Variants in CLIP2 observed in about 807,000 individuals in gnomAD.
The protein encoded by CLIP2 is CAP-Gly domain-containing linker protein 2.
CLIP2 carries 41 observed loss-of-function variants against 111.7 expected under a neutral mutation model. The observed-to-expected ratio is 0.37, with a 90% CI of 0.29 to 0.48. CLIP2 has a LOEUF of 0.48. Ranked by LOEUF, CLIP2 falls within the 20% of genes least tolerant of loss-of-function variation. CLIP2 has a pLI of 0.99. For synonymous variants in CLIP2, 660 were observed against 644.2 expected, an observed-to-expected ratio of 1.02 and a Z score of -0.37; for missense variants, 1,160 against 1,422.1, an observed-to-expected ratio of 0.82 and a Z score of 2.96.
At chr7:74,317,752 C>T (rs1234131252) in intron 2 of CLIP2, 85 bp downstream of exon 2, 2 of 1,324,386 alleles carry the variant, frequency 1.5e-6, no homozygotes, top group Non-Finnish European at 1.9e-6. Flanking sequence ...GAGCACAGGC[C>T]ACTCTGTGAC....
intron 1 of CLIP2, among the ~76,000 whole-genome samples, chr7:74,315,560 T>G (rs1554729029): frequency 6.6e-6 from 1 of 151,790 alleles, no homozygotes; most frequent in East Asian, 1.9e-4. Context: ...TTTTTCTTTT[T>G]TTCTTTTCTT....
Position 74,376,872 on chromosome 7 carries a change from C to G in CLIP2, c.2421+50C>G, listed in dbSNP as rs782528725. On this transcript the variant is annotated intron_variant, in intron 10 of 16. Transcript: ENST00000223398. The surrounding 1 kb of genome is among the most constrained non-coding windows in gnomAD (Gnocchi z 7.1). Reference sequence around the variant, plus strand: ...GGCGGGAGGGTCGGGCTGGGGAGGGCTTGGCCTTTTGCTGACCTCTGTTCT... The same window carrying G: ...GGCGGGAGGGTCGGGCTGGGGAGGGGTTGGCCTTTTGCTGACCTCTGTTCT... 1.2e-4 allele frequency: 176 copies of G among 1,463,968 alleles called. No individual in the cohort carries two copies. The highest frequency in any genetic ancestry group is 1.5e-4 in the Non-Finnish European group (164 of 1,102,018). 90.7% of individuals were successfully genotyped at this position (1,463,968 alleles called of 1,614,324 possible).
chr7:74,333,640 G>T (rs506633), intron 2 of CLIP2, among the ~76,000 whole-genome samples: 92,981 of 151,798 alleles, frequency 0.61, 30,413 homozygotes, highest in Middle Eastern at 0.74. Context: ...AGCCACCATG[G>T]CTGGCTAATT....
At chr7:74,373,456 C>T (rs1554312289) in intron 9 of CLIP2, among the ~76,000 whole-genome samples, 1 of 152,142 alleles carries the variant, frequency 6.6e-6, no homozygotes, top group Non-Finnish European at 1.5e-5. Context: ...TGAGATCGTG[C>T]CACTGCACTC....
intron 14 of CLIP2, among the ~76,000 whole-genome samples, chr7:74,398,685 A>ATC (rs1791531073): frequency 6.6e-6 from 1 of 152,226 alleles, no homozygotes; most frequent in Non-Finnish European, 1.5e-5. Flanking sequence ...GATAAAGAGC[A>ATC]TCACTCTGGC....
At chr7:74,382,920 C>A (rs1004211591) in intron 11 of CLIP2, among the ~76,000 whole-genome samples, 3 of 150,296 alleles carry the variant, frequency 2.0e-5, no homozygotes, top group African/African-American at 4.9e-5. Context: ...AAAAATACCC[C>A]CCTCCAAAAA....
intron 2 of CLIP2, among the ~76,000 whole-genome samples, chr7:74,320,500 T>C (rs546299279): frequency 6.6e-6 from 1 of 152,128 alleles, no homozygotes; most frequent in South Asian, 2.1e-4. Flanking sequence ...CCAACCTGGG[T>C]GACCCAGCGA....
intron 14 of CLIP2, among the ~76,000 whole-genome samples, chr7:74,399,172 C>G (rs943524853): frequency 3.8e-5 from 4 of 104,794 alleles, no homozygotes; most frequent in Non-Finnish European, 8.4e-5. Context: ...GGGGCAGGTA[C>G]AGCTCTGGGT....
At chr7:74,333,000 C>T (rs1393447113) in intron 2 of CLIP2, among the ~76,000 whole-genome samples, 1 of 152,174 alleles carries the variant, frequency 6.6e-6, no homozygotes, top group Non-Finnish European at 1.5e-5. Context: ...GGGGAGAATG[C>T]GTCATCTGGG....
At chr7:74,312,622 A>G (rs1214177651) in intron 1 of CLIP2, among the ~76,000 whole-genome samples, 1 of 152,192 alleles carries the variant, frequency 6.6e-6, no homozygotes, top group African/African-American at 2.4e-5. Context: ...ACAAGCCACC[A>G]GGAGGGCCAG....
At chr7:74,321,053 C>A (rs1314291212) in intron 2 of CLIP2, among the ~76,000 whole-genome samples, 5 of 152,154 alleles carry the variant, frequency 3.3e-5, no homozygotes, top group Non-Finnish European at 7.3e-5. Context: ...TCATGCCCCT[C>A]CTAGCCCTGC....
At chr7:74,386,918 G>T (rs929193820) in intron 12 of CLIP2, among the ~76,000 whole-genome samples, 12 of 151,736 alleles carry the variant, frequency 7.9e-5, no homozygotes, top group Non-Finnish European at 1.6e-4. Flanking sequence ...AGCTACTCGG[G>T]AGGCTGAGGC....
At chr7:74,364,732 G>A in intron 8 of CLIP2, 1 of 369,368 alleles carries the variant, frequency 2.7e-6, no homozygotes, top group South Asian at 2.0e-5. Context: ...GAGGCTCAGA[G>A]ACCAAGGGAG....
intron 8 of CLIP2, among the ~76,000 whole-genome samples, chr7:74,369,567 T>A (rs1360498833): frequency 6.7e-6 from 1 of 150,132 alleles, no homozygotes; most frequent in African/African-American, 2.5e-5. Flanking sequence ...TAAAAATTTT[T>A]AAAATATGGC....
intron 2 of CLIP2, among the ~76,000 whole-genome samples, chr7:74,320,195 C>CAAAAAAAAAAA (rs34079690): frequency 1.0e-5 from 1 of 99,236 alleles, no homozygotes; most frequent in Admixed American, 1.1e-4. Flanking sequence ...GATTCCATCT[C>CAAAAAAAAAAA]AAAAAAAAAA....
intron 8 of CLIP2, 103 bp from the exon 9 acceptor site, chr7:74,372,823 CCTCTCT>C (rs1177268334): frequency 5.9e-6 from 3 of 508,954 alleles, no homozygotes; most frequent in East Asian, 4.7e-5. Context: ...GATGACGCCT[CCTCTCT>C]CTCTCTCTCT....
At chr7:74,325,381 G>A (rs1238660646) in intron 2 of CLIP2, among the ~76,000 whole-genome samples, 3 of 152,144 alleles carry the variant, frequency 2.0e-5, no homozygotes, top group East Asian at 3.9e-4. Context: ...CAGCCTGGCC[G>A]GGTGTGACCG....
chr7:74,317,778 C>T lies in CLIP2; in HGVS notation c.121+111C>T, dbSNP rs1411796044. ...ACTCTGTGACCAATCTGATGGGGGA[C>T]GCTGAGTGTCATGAGCTCCTGTAAT... On this transcript the variant is annotated intron_variant, in intron 2 of 16. Transcript: ENST00000223398. 35 of 1,251,068 alleles carry T rather than the reference C, an allele frequency of 2.8e-5. No homozygotes were observed. In the South Asian group the frequency reaches 5.7e-4, roughly 20 times the overall value. The allele number at this position is 1,251,068 out of a possible 1,614,324, so 77.5% of individuals were successfully genotyped here.
chr7:74,388,510 A>AT (rs1437056437), intron 12 of CLIP2, among the ~76,000 whole-genome samples: 1 of 151,848 alleles, frequency 6.6e-6, no homozygotes, highest in Non-Finnish European at 1.5e-5. Flanking sequence ...AAAAAAAAAA[A>AT]AATTTGGCCG....
Sources: allele counts gnomAD v4.1 joint callset (sites outside exome capture counted in the v4.1 genomes callset), GRCh38; gene constraint gnomAD v4.1.1; non-coding constraint Gnocchi (gnomAD v3.1); transcripts MANE v1.5; gene names NCBI Gene and HGNC (gene_info 2026-07-23, HGNC 2026-07-21).